The following MCF2L variants were observed in gnomAD, a reference collection of about 807,000 sequenced individuals.
MCF2L encodes MCF.2 cell line derived transforming sequence like, also known as guanine nucleotide exchange factor DBS.
In MCF2L, 97 loss-of-function variants were observed where a neutral mutation model predicts 153.4. That is an observed-to-expected ratio of 0.63 (90% CI 0.54 to 0.75). The LOEUF is 0.75. Among genes scored for constraint, MCF2L ranks in the 30% least tolerant of loss-of-function variants. The probability of loss-of-function intolerance (pLI) is 0.00; values close to 1 mark genes in which losing one functional copy is unlikely to be tolerated. For missense variants in MCF2L, 1,347 were observed against 1,495.2 expected, an observed-to-expected ratio of 0.90 and a Z score of 1.64; for synonymous variants, 659 against 632.2, an observed-to-expected ratio of 1.04 and a Z score of -0.64.
chr13:112,996,685 G>A (rs1425438222), intron 1 of MCF2L, among the ~76,000 whole-genome samples: 1 of 152,192 alleles, frequency 6.6e-6, no homozygotes, highest in Non-Finnish European at 1.5e-5. Context: ...CGATGGTCCC[G>A]AGACTGTCGT....
chr13:113,090,012 C>T (rs1459959911), intron 26 of MCF2L: 53 of 1,601,900 alleles, frequency 3.3e-5, no homozygotes, highest in East Asian at 4.5e-5. Context: ...CAGCCGGACC[C>T]GCCTCCGCAT....
At chr13:113,088,171 C>T (rs909497642) in intron 23 of MCF2L, among the ~76,000 whole-genome samples, 156 bp from the exon 24 acceptor site, 33 of 152,136 alleles carry the variant, frequency 2.2e-4, no homozygotes, top group African/African-American at 7.7e-4. Flanking sequence ...TCCCGCAATG[C>T]GGGGCCACCC....
chr13:113,091,042 G>A (rs980660843), intron 26 of MCF2L: 101 of 1,295,024 alleles, frequency 7.8e-5, no homozygotes, highest in South Asian at 3.5e-4. Flanking sequence ...GCACGAGCGC[G>A]GGTCAGCCTC....
chr13:113,091,457 G>A (rs896251317), intron 26 of MCF2L, among the ~76,000 whole-genome samples: 2 of 152,222 alleles, frequency 1.3e-5, no homozygotes, highest in African/African-American at 2.4e-5. Flanking sequence ...TGCTGGCCAC[G>A]GCTGCTGCGC....
rs578169899 is a variant in MCF2L at position 113,026,958 on chromosome 13, C to T, written c.278+2200C>T. On this transcript the variant is annotated intron_variant, in intron 3 of 29. Coordinates refer to ENST00000535094, the MANE Select transcript of MCF2L (RefSeq NM_001112732.3). The stretch of plus-strand genomic sequence containing the variant: ...GGTCTCTCATCTGATGTGCTCGTCC[C>T]AGCCTCCAGGAAGATGCTGAGAATG... 37 of 778,208 alleles carry T rather than the reference C, an allele frequency of 4.8e-5. No individual in the cohort carries two copies. The Admixed American group carries it at 5.6e-4, about 12-fold the overall frequency. 48.2% of individuals were successfully genotyped at this position (778,208 alleles called of 1,614,324 possible).
chr13:113,084,626 C>A, intron 18 of MCF2L: 1 of 515,228 alleles, frequency 1.9e-6, no homozygotes, highest in Non-Finnish European at 3.4e-6. Flanking sequence ...CGGTGGAACC[C>A]CGTCTCCACT....
chr13:113,060,823 A>C, intron 5 of MCF2L, 111 bp downstream of exon 5: 10 of 1,450,886 alleles, frequency 6.9e-6, no homozygotes, highest in Non-Finnish European at 9.3e-6. Context: ...CCACACGGTC[A>C]ACAAAACCCC....
intron 4 of MCF2L, among the ~76,000 whole-genome samples, chr13:113,050,989 G>T (rs866350821): frequency 6.6e-6 from 1 of 152,034 alleles, no homozygotes; most frequent in Non-Finnish European, 1.5e-5. Flanking sequence ...CCAGGGCAGG[G>T]AACTGAAATG....
chr13:112,933,775 C>A (rs2081487256), intron 2 of MCF2L, among the ~76,000 whole-genome samples: 1 of 152,230 alleles, frequency 6.6e-6, no homozygotes. Context: ...CAGCGAAGAG[C>A]AGGCAGGAGA....
At chr13:112,982,246 G>A (rs1263947971) in intron 1 of MCF2L, among the ~76,000 whole-genome samples, 2 of 152,224 alleles carry the variant, frequency 1.3e-5, no homozygotes, top group Non-Finnish European at 2.9e-5. Flanking sequence ...TCGTGAAGGG[G>A]ATTTCTGAGC....
chr13:113,044,492 A>C, intron 3 of MCF2L: 1 of 734,890 alleles, frequency 1.4e-6, no homozygotes, highest in South Asian at 1.8e-5. Context: ...ACATGTTCAG[A>C]GACTTGGAAG....
chr13:112,977,451 G>C (rs1298198915), intron 1 of MCF2L, among the ~76,000 whole-genome samples: 3 of 152,184 alleles, frequency 2.0e-5, no homozygotes, highest in African/African-American at 7.2e-5. Context: ...GGTCGCTGAA[G>C]CCAAAGCTTG....
intron 26 of MCF2L, 52 bp from the exon 27 acceptor site, chr13:113,094,462 C>A: frequency 6.4e-7 from 1 of 1,562,424 alleles, no homozygotes; most frequent in African/African-American, 1.4e-5. Context: ...CAGACAGATG[C>A]AGACAGCGGC....
At chr13:113,050,079 G>A (rs989749840) in intron 4 of MCF2L, among the ~76,000 whole-genome samples, 1 of 152,160 alleles carries the variant, frequency 6.6e-6, no homozygotes, top group Non-Finnish European at 1.5e-5. Context: ...GCAGTTGTGC[G>A]GTCCTCAGAT....
intron 2 of MCF2L, among the ~76,000 whole-genome samples, chr13:112,944,101 A>AG (rs949702430): frequency 4.1e-4 from 57 of 138,304 alleles, no homozygotes; most frequent in Non-Finnish European, 4.2e-4. Flanking sequence ...CCGGACCATG[A>AG]GGGAAGGGTC....
intron 13 of MCF2L, among the ~76,000 whole-genome samples, chr13:113,077,419 G>A (rs956938725): frequency 1.3e-5 from 2 of 152,176 alleles, no homozygotes; most frequent in Admixed American, 6.5e-5. Context: ...GTCAGGACCC[G>A]GCCACGCCCA....
chr13:113,091,808 C>A (rs2035244960), intron 26 of MCF2L, among the ~76,000 whole-genome samples: 1 of 152,236 alleles, frequency 6.6e-6, no homozygotes, highest in African/African-American at 2.4e-5. Context: ...CTGTTGAGGA[C>A]CTTCAAGTGC....
rs541361986 is a variant in MCF2L at position 113,096,664 on chromosome 13, C to T, written c.3292+11C>T. 187 of 1,576,906 alleles carry T rather than the reference C, an allele frequency of 1.2e-4. 1 individual carries two copies. The Admixed American group carries it at 1.3e-3, about 11-fold the overall frequency. Reference sequence around the variant, plus strand: ...GCCTGAGCAGCTCAGGTAAGGCCCACGTGCCCCGAGCCCACCCGTGACGCT... The same window carrying T: ...GCCTGAGCAGCTCAGGTAAGGCCCATGTGCCCCGAGCCCACCCGTGACGCT... On this transcript the variant is annotated intron_variant, in intron 29 of 29. Coordinates refer to ENST00000535094, the MANE Select transcript of MCF2L (RefSeq NM_001112732.3).
At chr13:112,916,733 G>C (rs1249329257) in intron 2 of MCF2L, among the ~76,000 whole-genome samples, 1 of 152,092 alleles carries the variant, frequency 6.6e-6, no homozygotes, top group African/African-American at 2.4e-5. Flanking sequence ...GTGGTCCTTA[G>C]AGTGGTCCTC....
Sources: gnomAD v4.1 joint callset for allele counts (sites outside exome capture counted in the v4.1 genomes callset) on GRCh38, gnomAD v4.1.1 for gene constraint, MANE v1.5 for transcripts, NCBI Gene and HGNC (gene_info 2026-07-23, HGNC 2026-07-21) for gene names.